Variants in SLC25A5 observed in about 807,000 individuals in gnomAD.
The protein encoded by SLC25A5 is ADP/ATP translocase 2.
In SLC25A5, 4 loss-of-function variants were observed where a neutral mutation model predicts 16.5. The observed-to-expected ratio is 0.24, with a 90% confidence interval of 0.12 to 0.56. The LOEUF (loss-of-function observed/expected upper bound fraction) is 0.56. SLC25A5 is among the 20% of genes least tolerant of loss of function. The pLI is 0.93. For missense variants in SLC25A5, 88 were observed against 248.0 expected, an observed-to-expected ratio of 0.35 and a Z score of 4.33; for synonymous variants, 60 against 95.2, an observed-to-expected ratio of 0.63 and a Z score of 2.15.
In SLC25A5 at chrX:119,468,606, C is replaced by T; in HGVS notation, c.91C>T (p.Arg31Trp). The T allele has an allele frequency of 8.3e-7, 1 of 1,207,356 alleles. No individual in the cohort carries two copies. Among genetic ancestry groups the T allele is most frequent in the Non-Finnish European group, 1.1e-6 (1 of 893,611 alleles). ...CAAGACGGCGGTAGCGCCCATCGAG[C>T]GGGTCAAGCTGCTGCTGCAGGTACG... ...ISKTAVAPIE[R>W]VKLLLQVQHA... Residue 31 changes from arginine to tryptophan, a missense_variant, in exon 1 of 4, where the codon CGG becomes TGG. Arg to Trp is a moderately radical substitution (Grantham distance 101). Coordinates refer to ENST00000317881, the MANE Select transcript of SLC25A5 (RefSeq NM_001152.5).
chrX:119,471,080 C>T lies in SLC25A5; in HGVS notation c.*22C>T, dbSNP rs11552293. The T allele has an allele frequency of 8.4e-7, 1 of 1,187,744 alleles. No individual in the cohort carries two copies. The highest frequency in any genetic ancestry group is 1.7e-5 in the African/African-American group (1 of 57,557). On this transcript the variant is annotated 3_prime_UTR_variant, in exon 4 of 4. Coordinates refer to ENST00000317881, the MANE Select transcript of SLC25A5 (RefSeq NM_001152.5). ...ATAAGTTATTTCCTAGGATTTTTCCCCCTGTGAACAGGCATGTTGTATTAT... is the reference window on the plus strand; with the variant it reads ...ATAAGTTATTTCCTAGGATTTTTCCTCCTGTGAACAGGCATGTTGTATTAT...
At chrX:119,470,880 C>T in intron 3 of SLC25A5, 21 bp from the exon 4 acceptor site, 1 of 1,199,516 alleles carries the variant, frequency 8.3e-7, no homozygotes, top group Non-Finnish European at 1.1e-6. Flanking sequence ...GTCACTAACT[C>T]CATGTCTTTA....
Position 119,470,528 on chromosome X carries a change from A to G in SLC25A5, c.739+15A>G. 3.3e-6 allele frequency: 4 copies of G among 1,204,681 alleles called. No individual in the cohort carries two copies. Among genetic ancestry groups the G allele is most frequent in the Non-Finnish European group, 4.5e-6 (4 of 891,405 alleles). On this transcript the variant is annotated intron_variant, in intron 3 of 3. Transcript: ENST00000317881. ...GCGCAAAGGAAGTAAGTTCCACTTGAGCAGAAGATAAAGTTGTAGTCGTGG... is the reference window on the plus strand; with the variant it reads ...GCGCAAAGGAAGTAAGTTCCACTTGGGCAGAAGATAAAGTTGTAGTCGTGG...
rs189085503 is a variant in SLC25A5 at position 119,470,550 on chromosome X, G to A, written c.739+37G>A. On this transcript the variant is annotated intron_variant, in intron 3 of 3. Coordinates refer to ENST00000317881, the MANE Select transcript of SLC25A5 (RefSeq NM_001152.5). ...TTGAGCAGAAGATAAAGTTGTAGTC[G>A]TGGGGCAATCTGCTGCCACAAACTG... 135 of 1,184,987 alleles carry A rather than the reference G, an allele frequency of 1.1e-4. No individual in the cohort carries two copies. The East Asian group carries it at 1.9e-3, about 17-fold the overall frequency.
intron 1 of SLC25A5, chrX:119,469,046 G>A (rs1008882262): frequency 8.3e-6 from 1 of 120,277 alleles, no homozygotes; most frequent in African/African-American, 3.2e-5. Context: ...CGGGTCCAGC[G>A]GCCTCCCAGC....
Position 119,470,366 on chromosome X carries a change from T to C in SLC25A5, c.599-7T>C, listed in dbSNP as rs750272092. 6 of 817,788 alleles carry C rather than the reference T, an allele frequency of 7.3e-6. No homozygotes were observed. The Admixed American group carries it at 1.4e-4, about 19-fold the overall frequency. The allele number at this position is 817,788 out of a possible 1,213,427, so 67.4% of individuals were successfully genotyped here. A position where few individuals can be genotyped will look rare whatever the true frequency, so the allele number is the denominator to read the frequency against. On this transcript the variant is annotated splice_polypyrimidine_tract_variant and splice_region_variant and intron_variant, in intron 2 of 3. Transcript: ENST00000317881. ...TTTTGGTAAAAGCATCTCTTTCCTA[T>C]TCCCAGGAATGCTTCCGGATCCCAA...
intron 1 of SLC25A5, chrX:119,469,378 T>G: frequency 1.7e-5 from 4 of 234,305 alleles, no homozygotes; most frequent in Non-Finnish European, 3.1e-5. Flanking sequence ...TGAACCTGGG[T>G]TTGAGGTAAT....
At chrX:119,469,441 C>T in intron 1 of SLC25A5, 1 of 394,804 alleles carries the variant, frequency 2.5e-6, no homozygotes. Flanking sequence ...TGCCCCCTCT[C>T]CACTCAGAGG....
At position 119,470,844 on chromosome X, in the gene SLC25A5, A is replaced by T. The variant is rs995284114; in HGVS notation, c.740-57A>T. On this transcript the variant is annotated intron_variant, in intron 3 of 3. Transcript: ENST00000317881. The stretch of plus-strand genomic sequence containing the variant: ...GGCTCTGCTTTATTTAGCCTAGTGA[A>T]TCTTAGGATTTTTCATCGGCCTTCA... The T allele has an allele frequency of 1.4e-5, 16 of 1,150,605 alleles. No homozygotes were observed. The African/African-American group carries it at 2.5e-4, about 18-fold the overall frequency. 94.8% of individuals were successfully genotyped at this position (1,150,605 alleles called of 1,213,427 possible).
intron 1 of SLC25A5, chrX:119,469,441 C>A: frequency 2.5e-6 from 1 of 394,803 alleles, no homozygotes; most frequent in East Asian, 4.0e-5. Flanking sequence ...TGCCCCCTCT[C>A]CACTCAGAGG....
chrX:119,470,286 T>G, intron 2 of SLC25A5, 87 bp from the exon 3 acceptor site: 1 of 1,140,108 alleles, frequency 8.8e-7, no homozygotes, highest in Non-Finnish European at 1.2e-6. Context: ...GCAACCCTTG[T>G]GTACAGATGA....
intron 1 of SLC25A5, 75 bp from the exon 2 acceptor site, chrX:119,469,586 G>C: frequency 9.2e-7 from 1 of 1,089,754 alleles, no homozygotes; most frequent in South Asian, 2.2e-5. Context: ...GGCATTGATC[G>C]AGATGGCATA....
chrX:119,471,171 G>C lies in SLC25A5; in HGVS notation c.*113G>C. 4.1e-6 allele frequency: 2 copies of C among 482,597 alleles called. No individual in the cohort carries two copies. Among genetic ancestry groups the C allele is most frequent in the East Asian group, 4.8e-5 (1 of 20,889 alleles). 39.8% of individuals were successfully genotyped at this position (482,597 alleles called of 1,213,427 possible). On this transcript the variant is annotated 3_prime_UTR_variant, in exon 4 of 4. Coordinates refer to ENST00000317881, the MANE Select transcript of SLC25A5 (RefSeq NM_001152.5). Reference sequence around the variant, plus strand: ...AGTTTCTCAGTGGCAACTATTTACTGGTTGAAAATGGGAAGCAATAATATT... The same window carrying C: ...AGTTTCTCAGTGGCAACTATTTACTCGTTGAAAATGGGAAGCAATAATATT...
Position 119,469,561 on chromosome X carries a change from G to C in SLC25A5, c.112-100G>C. The C allele has an allele frequency of 7.1e-6, 7 of 981,228 alleles. No homozygotes were observed. The South Asian group carries it at 9.4e-5, about 13-fold the overall frequency. 80.9% of individuals were successfully genotyped at this position (981,228 alleles called of 1,213,427 possible). On this transcript the variant is annotated intron_variant, in intron 1 of 3. Coordinates refer to ENST00000317881, the MANE Select transcript of SLC25A5 (RefSeq NM_001152.5). ...TACGAAGACTAGATTTGAGAGAGGG[G>C]AGCCTACCTTAAAGGGCATTGATCG...
In SLC25A5 at chrX:119,469,003, A is replaced by G. The variant is rs1037350172; in HGVS notation, c.111+377A>G. The G allele has an allele frequency of 1.9e-4, 28 of 149,820 alleles. No individual in the cohort carries two copies. The East Asian group carries it at 4.7e-3, about 25-fold the overall frequency. The allele number at this position is 149,820 out of a possible 1,213,427, so 12.3% of individuals were successfully genotyped here. On this transcript the variant is annotated intron_variant, in intron 1 of 3. Coordinates refer to ENST00000317881, the MANE Select transcript of SLC25A5 (RefSeq NM_001152.5). ...TTACCGAAGACCTCAAGGTCGCGGC[A>G]AGGAGATAACTGCCCGGGGGAGGCC...
Position 119,470,914 on chromosome X carries a change from C to T in SLC25A5, c.753C>T (p.Tyr251=), listed in dbSNP as rs374281693. 5.6e-5 allele frequency: 68 copies of T among 1,209,465 alleles called. No homozygotes were observed. Among genetic ancestry groups the T allele is most frequent in the Non-Finnish European group, 7.5e-5 (67 of 894,650 alleles). Residue 251 remains tyrosine (Y), a synonymous_variant, in exon 4 of 4, where the codon TAC becomes TAT. Transcript: ENST00000317881. The stretch of plus-strand genomic sequence containing the variant: ...TATTCTTTGCAGCTGACATCATGTA[C>T]ACAGGCACGCTTGACTGCTGGCGGA... The part of the protein sequence containing the change: ...QSGRKGTDIM[Y]TGTLDCWRKI...
Position 119,468,482 on chromosome X carries a change from T to G in SLC25A5, c.-34T>G. ...GAGTCAAAGCCGGTTCCCGGCCCAG[T>G]CCCGTCCTGCAGCAGTCTGCCTCCT... On this transcript the variant is annotated 5_prime_UTR_variant, in exon 1 of 4. Transcript: ENST00000317881. 3 of 1,154,868 alleles carry G rather than the reference T, an allele frequency of 2.6e-6. No individual in the cohort carries two copies. Among genetic ancestry groups the G allele is most frequent in the Non-Finnish European group, 3.5e-6 (3 of 848,341 alleles).
At chrX:119,468,953 G>A in intron 1 of SLC25A5, 1 of 252,107 alleles carries the variant, frequency 4.0e-6, no homozygotes, top group South Asian at 8.7e-5. Flanking sequence ...CCGAAAGCCG[G>A]CGTTAGAAAG....
chrX:119,469,534 T>C, intron 1 of SLC25A5, 127 bp from the exon 2 acceptor site: 2 of 799,180 alleles, frequency 2.5e-6, no homozygotes, highest in Non-Finnish European at 3.6e-6. Context: ...GCCAGTATGA[T>C]ATACGAAGAC....
Sources: allele counts gnomAD v4.1 joint callset, GRCh38; gene constraint gnomAD v4.1.1; transcripts MANE v1.5; gene names NCBI Gene and HGNC (gene_info 2026-07-23, HGNC 2026-07-21).